Variants in PPEF1 observed in about 807,000 individuals in gnomAD.
PPEF1 encodes serine/threonine-protein phosphatase with EF-hands 1.
Under a neutral mutation model 53.3 loss-of-function variants are expected in PPEF1, and 12 were observed. The ratio of observed to expected loss-of-function variants is 0.23; its 90% CI spans 0.14 to 0.36. The LOEUF (loss-of-function observed/expected upper bound fraction) is 0.36, where lower values mean the gene tolerates loss of function less well. Among genes scored for constraint, PPEF1 ranks in the 10% least tolerant of loss-of-function variants. PPEF1 has a pLI of 1.00. For synonymous variants in PPEF1, 165 were observed against 176.7 expected (o/e 0.93, Z 0.52); for missense variants, 334 against 490.4 (o/e 0.68, Z 3.01).
At chrX:18,805,841 TAA>T (rs145416225) in intron 11 of PPEF1, among the ~76,000 whole-genome samples, 248 of 85,594 alleles carry the variant, frequency 2.9e-3, no homozygotes, top group African/African-American at 4.0e-3. Context: ...GACTCCATCT[TAA>T]AAAAAAAAAA....
chrX:18,695,597 C>T (rs5909201), intron 4 of PPEF1, among the ~76,000 whole-genome samples: 53,751 of 110,465 alleles, frequency 0.49, 9,641 homozygotes, highest in African/African-American at 0.56. Context: ...TAAAATGTCC[C>T]TTTTCCATCT....
chrX:18,735,309 G>T, intron 3 of PPEF1, among the ~76,000 whole-genome samples: 1 of 111,630 alleles, frequency 9.0e-6, no homozygotes, highest in Non-Finnish European at 1.9e-5. Context: ...TTTGTATAAG[G>T]TGTAAGGAAG....
At chrX:18,756,738 A>G (rs2045557267) in intron 4 of PPEF1, among the ~76,000 whole-genome samples, 1 of 112,463 alleles carries the variant, frequency 8.9e-6, no homozygotes, top group Non-Finnish European at 1.9e-5. Flanking sequence ...CAGAGAAATT[A>G]TTTTCATAAT....
At chrX:18,693,458 A>G (rs1929526942) in intron 4 of PPEF1, among the ~76,000 whole-genome samples, 1 of 112,349 alleles carries the variant, frequency 8.9e-6, no homozygotes, top group Non-Finnish European at 1.9e-5. Context: ...TGGTGTTCCC[A>G]GGTCGAGCTC....
At chrX:18,732,799 C>G (rs1000405266) in intron 2 of PPEF1, among the ~76,000 whole-genome samples, 2 of 112,182 alleles carry the variant, frequency 1.8e-5, no homozygotes, top group Non-Finnish European at 3.8e-5. Context: ...AGAGCCAGTA[C>G]CCTGATTGTG....
chrX:18,793,253 T>C (rs1313551514), intron 10 of PPEF1, among the ~76,000 whole-genome samples: 1 of 110,927 alleles, frequency 9.0e-6, no homozygotes, highest in African/African-American at 3.3e-5. Context: ...TTTGCTATGT[T>C]GTGCTTTTGT....
intron 8 of PPEF1, 60 bp from the exon 9 acceptor site, chrX:18,783,839 G>A (rs2046145868): frequency 6.4e-6 from 7 of 1,093,121 alleles, no homozygotes; most frequent in African/African-American, 1.8e-5. Flanking sequence ...CATACTTGGG[G>A]ACTATTCAAT....
intron 4 of PPEF1, among the ~76,000 whole-genome samples, chrX:18,692,579 T>C (rs1397611769): frequency 8.9e-6 from 1 of 111,959 alleles, no homozygotes; most frequent in Non-Finnish European, 1.9e-5. Context: ...ATTTGGCTCC[T>C]TCTTCCCCTT....
intron 3 of PPEF1, among the ~76,000 whole-genome samples, chrX:18,739,779 C>T (rs1251459057): frequency 8.9e-6 from 1 of 112,408 alleles, no homozygotes; most frequent in Non-Finnish European, 1.9e-5. Flanking sequence ...GCAATGGGCT[C>T]CACCCAGTTC....
Position 18,804,311 on chromosome X carries a change from C to CT in PPEF1, c.1251+247dup, listed in dbSNP as rs71905402. On this transcript the variant is annotated intron_variant, in intron 11 of 15. Transcript: ENST00000470157. ...TTCCCTAATCCCAGAAACAGAAATT[C>CT]TTTTTTTTTTTTTGAGATGGAGTCT... 8.7e-4 allele frequency among the ~76,000 whole-genome samples: 86 copies of CT among 98,830 alleles called. 1 individual carries two copies. Among genetic ancestry groups the CT allele is most frequent in the Admixed American group, 1.9e-3 (17 of 8,855 alleles). 85.8% of individuals were successfully genotyped at this position (98,830 alleles called of 115,157 possible).
At chrX:18,704,570 G>A (rs2044157290), upstream of PPEF1, among the ~76,000 whole-genome samples, 1 of 111,142 alleles carries the variant, frequency 9.0e-6, no homozygotes, top group Non-Finnish European at 1.9e-5. Flanking sequence ...AATGAGAAAA[G>A]AATATATGCT....
intron 6 of PPEF1, among the ~76,000 whole-genome samples, chrX:18,767,925 A>G (rs2045809505): frequency 9.0e-6 from 1 of 111,332 alleles, no homozygotes; most frequent in African/African-American, 3.3e-5. Flanking sequence ...GACCTAAGCA[A>G]TCACTTGATT....
upstream of PPEF1, among the ~76,000 whole-genome samples, chrX:18,682,433 C>G (rs979305984): frequency 9.0e-6 from 1 of 111,634 alleles, no homozygotes; most frequent in African/African-American, 3.3e-5. Flanking sequence ...GAGGAATTAC[C>G]AAGACATAGG....
intron 1 of PPEF1, among the ~76,000 whole-genome samples, chrX:18,722,601 C>T (rs1388547763): frequency 2.7e-5 from 3 of 112,502 alleles, no homozygotes; most frequent in Admixed American, 1.9e-4. Context: ...AAAGTCTTAA[C>T]TAAACAGTCA....
At chrX:18,793,972 G>T (rs1240750738) in intron 10 of PPEF1, among the ~76,000 whole-genome samples, 1 of 111,618 alleles carries the variant, frequency 9.0e-6, no homozygotes, top group African/African-American at 3.3e-5. Flanking sequence ...GGCTCTCTTT[G>T]ACTGTCTCTT....
intron 1 of PPEF1, among the ~76,000 whole-genome samples, chrX:18,714,962 G>A (rs767129128): frequency 8.9e-6 from 1 of 112,089 alleles, no homozygotes; most frequent in African/African-American, 3.2e-5. Flanking sequence ...CTGCTAGGTC[G>A]TTCCACCTGA....
intron 10 of PPEF1, among the ~76,000 whole-genome samples, chrX:18,798,934 G>A (rs2046488053): frequency 9.0e-6 from 1 of 110,701 alleles, no homozygotes; most frequent in Non-Finnish European, 1.9e-5. Context: ...CCTGAGCATA[G>A]CTTTTAAAAT....
At chrX:18,681,344 A>G (rs1928878510), upstream of PPEF1, among the ~76,000 whole-genome samples, 11 of 112,289 alleles carry the variant, frequency 9.8e-5, no homozygotes, top group Non-Finnish European at 2.1e-4. Context: ...CTCGACTGGA[A>G]TGAAAGATCC....
chrX:18,818,186 A>G (rs748231991), intron 13 of PPEF1, 41 bp downstream of exon 13: 6 of 918,369 alleles, frequency 6.5e-6, no homozygotes, highest in Non-Finnish European at 9.4e-6. Context: ...TTAACACACC[A>G]AGTTACATAC....
Sources: gnomAD v4.1 joint callset for allele counts (sites outside exome capture counted in the v4.1 genomes callset) on GRCh38, gnomAD v4.1.1 for gene constraint, MANE v1.5 for transcripts, NCBI Gene and HGNC (gene_info 2026-07-23, HGNC 2026-07-21) for gene names.